MAP3K7CL: variants seen among roughly 807,000 people sequenced by gnomAD.
MAP3K7CL encodes the protein MAP3K7 C-terminal-like protein.
MAP3K7CL carries 16 observed loss-of-function variants against 18.6 expected under a neutral mutation model. The ratio of observed to expected loss-of-function variants is 0.86; its 90% CI spans 0.58 to 1.31. The LOEUF (loss-of-function observed/expected upper bound fraction) is 1.31. Among genes scored for constraint, MAP3K7CL ranks in the 50% most tolerant of loss-of-function variants. MAP3K7CL has a pLI of 0.00. For synonymous variants in MAP3K7CL, 65 were observed against 66.8 expected (o/e 0.97, Z 0.13); for missense variants, 163 against 174.4 (o/e 0.93, Z 0.37).
chr21:29,102,670 G>A (rs79200981), intron 4 of MAP3K7CL: 1 of 151,966 alleles, frequency 6.6e-6, no homozygotes, highest in African/African-American at 2.4e-5. Flanking sequence ...GCCCCAAAAG[G>A]GGGGAGACTA....
rs2087936855 is a variant in MAP3K7CL, at chr21:29,175,110, T to C, written c.*218T>C. 1 of 414,042 alleles carries C rather than the reference T, an allele frequency of 2.4e-6. No individual in the cohort carries two copies. Among genetic ancestry groups the C allele is most frequent in the South Asian group, 5.0e-5 (1 of 19,806 alleles). The allele number at this position is 414,042 out of a possible 1,614,324, so 25.6% of individuals were successfully genotyped here. Reference sequence around the variant, plus strand: ...GTGAAACTATTACTAGTATATGTTTTTGGAGATCAGAATTCTTTTCCAAAG... The same window carrying C: ...GTGAAACTATTACTAGTATATGTTTCTGGAGATCAGAATTCTTTTCCAAAG... On this transcript the variant is annotated 3_prime_UTR_variant, in exon 5 of 5. Transcript: ENST00000399928.
At chr21:29,084,081 A>AT (rs910280482), upstream of MAP3K7CL, among the ~76,000 whole-genome samples, 12 of 144,344 alleles carry the variant, frequency 8.3e-5, no homozygotes, top group Admixed American at 6.2e-4. Flanking sequence ...ATATGTATAT[A>AT]TTTTTTTTTC....
intron 4 of MAP3K7CL, among the ~76,000 whole-genome samples, chr21:29,094,111 C>A (rs990865100): frequency 3.9e-5 from 6 of 152,150 alleles, no homozygotes; most frequent in Admixed American, 2.0e-4. Flanking sequence ...CAACTGGGGG[C>A]AATTTTTCCC....
intron 4 of MAP3K7CL, among the ~76,000 whole-genome samples, chr21:29,113,770 G>C (rs1328767497): frequency 6.6e-6 from 1 of 152,114 alleles, no homozygotes; most frequent in East Asian, 1.9e-4. Flanking sequence ...GTGATGATCT[G>C]CCTGCCTCGG....
At chr21:29,156,797 A>G (rs1158716555) in intron 3 of MAP3K7CL, among the ~76,000 whole-genome samples, 1 of 152,240 alleles carries the variant, frequency 6.6e-6, no homozygotes, top group African/African-American at 2.4e-5. Context: ...AGAACCATAT[A>G]TATTTAAGCA....
chr21:29,101,252 G>A (rs1230071265), intron 4 of MAP3K7CL, among the ~76,000 whole-genome samples: 1 of 152,142 alleles, frequency 6.6e-6, no homozygotes, highest in African/African-American at 2.4e-5. Flanking sequence ...TGGAATCATT[G>A]GAGACCATTT....
At chr21:29,138,278 G>A (rs1358461819) in intron 2 of MAP3K7CL, among the ~76,000 whole-genome samples, 1 of 152,230 alleles carries the variant, frequency 6.6e-6, no homozygotes, top group East Asian at 1.9e-4. Context: ...AGTGATGCCT[G>A]TCTTTAATGA....
At chr21:29,106,225 C>T (rs778106471) in intron 4 of MAP3K7CL, among the ~76,000 whole-genome samples, 3 of 152,030 alleles carry the variant, frequency 2.0e-5, no homozygotes, top group African/African-American at 4.8e-5. Context: ...ATTGCTCTGT[C>T]GCCCAGGCTG....
At chr21:29,119,905 T>A (rs1175314342) in intron 4 of MAP3K7CL, among the ~76,000 whole-genome samples, 2 of 152,154 alleles carry the variant, frequency 1.3e-5, no homozygotes, top group Non-Finnish European at 2.9e-5. Flanking sequence ...CCTTAGGTAA[T>A]CCATCCACCT....
chr21:29,089,419 A>G (rs771905216), intron 1 of MAP3K7CL, among the ~76,000 whole-genome samples: 3 of 152,242 alleles, frequency 2.0e-5, no homozygotes, highest in Non-Finnish European at 4.4e-5. Flanking sequence ...TATCTCACAT[A>G]CATTATGGGT....
At chr21:29,164,456 GAC>G (rs1424277064) in intron 4 of MAP3K7CL, among the ~76,000 whole-genome samples, 1 of 152,212 alleles carries the variant, frequency 6.6e-6, no homozygotes, top group Non-Finnish European at 1.5e-5. Context: ...TATTTTAAAA[GAC>G]AGTTTTTCTT....
At chr21:29,077,284 C>T (rs2085764991), upstream of MAP3K7CL, among the ~76,000 whole-genome samples, 1 of 152,250 alleles carries the variant, frequency 6.6e-6, no homozygotes, top group Non-Finnish European at 1.5e-5. Context: ...TGGCGGGCTG[C>T]AGGTCCCTAG....
At chr21:29,130,159 A>T (rs1414071078), upstream of MAP3K7CL, among the ~76,000 whole-genome samples, 2 of 152,208 alleles carry the variant, frequency 1.3e-5, no homozygotes, top group Admixed American at 6.5e-5. Context: ...ATCACAATCC[A>T]ATTATTTTTT....
intron 1 of MAP3K7CL, among the ~76,000 whole-genome samples, chr21:29,090,097 C>T (rs2085997166): frequency 6.6e-6 from 1 of 152,152 alleles, no homozygotes; most frequent in Non-Finnish European, 1.5e-5. Flanking sequence ...GAAATGTTAA[C>T]TCATCCATTC....
chr21:29,125,162 A>AT (rs2086662113), intron 4 of MAP3K7CL, among the ~76,000 whole-genome samples: 1 of 152,210 alleles, frequency 6.6e-6, no homozygotes, highest in African/African-American at 2.4e-5. Context: ...TATTTCTGGC[A>AT]TTGTTGCACG....
intron 4 of MAP3K7CL, among the ~76,000 whole-genome samples, chr21:29,171,498 TAGAGAAA>T (rs1279987248): frequency 1.2e-4 from 18 of 152,132 alleles, no homozygotes; most frequent in Non-Finnish European, 2.2e-4. Flanking sequence ...GTTTCAAACT[TAGAGAAA>T]AATTGCAAAA....
At chr21:29,163,836 C>A (rs1319717421) in intron 4 of MAP3K7CL, among the ~76,000 whole-genome samples, 1 of 151,888 alleles carries the variant, frequency 6.6e-6, no homozygotes, top group Non-Finnish European at 1.5e-5. Context: ...GCTGGGACGA[C>A]AGGTGCATGC....
At chr21:29,089,348 C>A (rs1318772541) in intron 1 of MAP3K7CL, among the ~76,000 whole-genome samples, 2 of 152,004 alleles carry the variant, frequency 1.3e-5, no homozygotes. Flanking sequence ...TGTCTTTTTC[C>A]ATAAAAATAC....
chr21:29,158,128 G>A (rs1435274263), intron 3 of MAP3K7CL, among the ~76,000 whole-genome samples: 1 of 152,174 alleles, frequency 6.6e-6, no homozygotes, highest in Admixed American at 6.5e-5. Context: ...TGATTCAACA[G>A]CTTGGCTATG....
Sources: gnomAD v4.1 joint callset for allele counts (sites outside exome capture counted in the v4.1 genomes callset) on GRCh38, gnomAD v4.1.1 for gene constraint, MANE v1.5 for transcripts, NCBI Gene and HGNC (gene_info 2026-07-23, HGNC 2026-07-21) for gene names.